The following TMEM120B variants were observed in gnomAD, a reference collection of about 807,000 sequenced individuals.
The protein encoded by TMEM120B is transmembrane protein 120B.
Under a neutral mutation model 55.5 loss-of-function variants are expected in TMEM120B, and 31 were observed. That is an observed-to-expected ratio of 0.56 (90% confidence interval 0.42 to 0.75). TMEM120B has a LOEUF of 0.75. Among genes scored for constraint, TMEM120B ranks in the 30% least tolerant of loss-of-function variants. The pLI is 0.00. For missense variants in TMEM120B, 399 were observed against 425.5 expected (o/e 0.94, Z 0.55); for synonymous variants, 203 against 176.3 (o/e 1.15, Z -1.20).
chr12:121,769,174 C>A (rs1257282286), intron 6 of TMEM120B, among the ~76,000 whole-genome samples: 15 of 145,696 alleles, frequency 1.0e-4, no homozygotes, highest in Admixed American at 4.1e-4. Context: ...AAAAAAAAAA[C>A]CCCAAAAAAC....
rs1010087801 is a variant in TMEM120B, at chr12:121,768,943, C to T, written c.552-1964C>T. ...GGTGGATCCCCTGAGGTCAGGAGTTCGAGACCAGCCTGGCCAACCTGTTGA... is the reference window on the plus strand; with the variant it reads ...GGTGGATCCCCTGAGGTCAGGAGTTTGAGACCAGCCTGGCCAACCTGTTGA... On this transcript the variant is annotated intron_variant, in intron 6 of 11. Transcript: ENST00000449592. 1.2e-4 allele frequency among the ~76,000 whole-genome samples: 19 copies of T among 152,084 alleles called. 1 individual carries two copies. The highest frequency in any genetic ancestry group is 5.8e-4 in the East Asian group (3 of 5,158).
At chr12:121,748,503 G>C in intron 3 of TMEM120B, 61 bp downstream of exon 3, 1 of 1,171,980 alleles carries the variant, frequency 8.5e-7, no homozygotes, top group Non-Finnish European at 1.2e-6. Flanking sequence ...AGCACAGCTG[G>C]TCCATATAAC....
At chr12:121,751,685 A>G (rs1592939063) in intron 4 of TMEM120B, among the ~76,000 whole-genome samples, 1 of 117,112 alleles carries the variant, frequency 8.5e-6, no homozygotes, top group African/African-American at 3.4e-5. Context: ...CCTCCAAGTC[A>G]GTATGTTGGG....
rs1158893128 is a variant in TMEM120B at position 121,735,201 on chromosome 12, C to CA, written c.70-8417dup. On this transcript the variant is annotated intron_variant, in intron 1 of 11. Coordinates refer to ENST00000449592, the MANE Select transcript of TMEM120B (RefSeq NM_001080825.2). ...ACTCTGTCTCAAAAAAAAAAAAAAA[C>CA]AAAAAAAAAAACCCAGAAACAAAAC... Among the ~76,000 whole-genome samples the CA allele has an allele frequency of 2.8e-3, 348 of 124,060 alleles. 1 individual carries two copies. The highest frequency in any genetic ancestry group is 9.5e-3 in the South Asian group (36 of 3,806). The allele number at this position is 124,060 out of a possible 152,430, so 81.4% of individuals were successfully genotyped here.
chr12:121,740,122 A>G (rs1013890921), intron 1 of TMEM120B, among the ~76,000 whole-genome samples: 9 of 152,132 alleles, frequency 5.9e-5, no homozygotes, highest in Non-Finnish European at 1.0e-4. Context: ...CCAGAGTCTC[A>G]CTGATAACAG....
intron 5 of TMEM120B, among the ~76,000 whole-genome samples, chr12:121,752,720 CCTGGGTGACAGAGTCTTG>C (rs1162296746): frequency 6.6e-6 from 1 of 152,010 alleles, no homozygotes; most frequent in Non-Finnish European, 1.5e-5. Context: ...TGCACTCCAG[CCTGGGTGACAGAGTCTTG>C]CTCTGTCACC....
At chr12:121,760,267 C>T (rs4597104) in intron 5 of TMEM120B, among the ~76,000 whole-genome samples, 9,572 of 151,844 alleles carry the variant, frequency 0.063, 445 homozygotes, top group African/African-American at 0.12. Context: ...TGCGCCACTG[C>T]ACTCCAGCCT....
chr12:121,748,414 A>G lies in TMEM120B; in HGVS notation c.277A>G (p.Met93Val), dbSNP rs1452104689. 16 of 1,610,106 alleles carry G rather than the reference A, an allele frequency of 9.9e-6. No homozygotes were observed. The African/African-American group carries it at 1.3e-4, about 13-fold the overall frequency. ...IKERQDVFFD[M>V]EAYLPKKNGL... ...GGAGCGGCAGGACGTCTTCTTCGAC[A>G]TGGAGGCCTACCTGCCCAAGAAGAA... Residue 93 changes from methionine (M) to valine (V), a missense_variant, in exon 3 of 12, where the codon ATG (methionine) becomes GTG (valine). This residue lies in a region of TMEM120B where 133 missense variants were observed against 104.1 expected (regional missense o/e 1.28). Coordinates refer to ENST00000449592, the MANE Select transcript of TMEM120B (RefSeq NM_001080825.2).
At position 121,727,750 on chromosome 12, in the gene TMEM120B, A is replaced by T. The variant is rs561080807; in HGVS notation, c.69+14786A>T. Among the ~76,000 whole-genome samples, 87 of 149,392 alleles carry T rather than the reference A, an allele frequency of 5.8e-4. 1 individual carries two copies. The highest frequency in any genetic ancestry group is 2.0e-3 in the African/African-American group (80 of 40,658). Reference sequence around the variant, plus strand: ...TTAGACAGGCGTGGTGGCAGGCGCCAGTAGTCCCAGCTACTCGGGAGGCTG... The same window carrying T: ...TTAGACAGGCGTGGTGGCAGGCGCCTGTAGTCCCAGCTACTCGGGAGGCTG... On this transcript the variant is annotated intron_variant, in intron 1 of 11. Transcript: ENST00000449592.
chr12:121,724,465 A>C (rs1894852909), intron 1 of TMEM120B, among the ~76,000 whole-genome samples: 1 of 151,946 alleles, frequency 6.6e-6, no homozygotes, highest in Non-Finnish European at 1.5e-5. Flanking sequence ...GCTGTGAGCC[A>C]CTGCACCTGG....
chr12:121,772,376 C>T (rs905294806), intron 8 of TMEM120B, among the ~76,000 whole-genome samples: 1 of 151,824 alleles, frequency 6.6e-6, no homozygotes, highest in African/African-American at 2.4e-5. Flanking sequence ...GTGGTCCACC[C>T]ACCTCTGCCA....
intron 3 of TMEM120B, 107 bp from the exon 4 acceptor site, chr12:121,750,273 T>G: frequency 4.6e-6 from 5 of 1,079,974 alleles, no homozygotes; most frequent in Non-Finnish European, 7.1e-6. Flanking sequence ...CCCCCTATCT[T>G]CTAACATCAG....
chr12:121,779,623 G>A lies in TMEM120B; in HGVS notation c.*3901G>A. On this transcript the variant is annotated 3_prime_UTR_variant, in exon 12 of 12. Coordinates refer to ENST00000449592, the MANE Select transcript of TMEM120B (RefSeq NM_001080825.2). ...TCCCGAAACTTGGCGGAACATTCCA[G>A]GTAGAGAGCAGCTCGGATCTGTTCG... 1 of 1,614,166 alleles carries A rather than the reference G, an allele frequency of 6.2e-7. No individual in the cohort carries two copies. The highest frequency in any genetic ancestry group is 1.6e-4 in the Middle Eastern group (1 of 6,062).
intron 2 of TMEM120B, among the ~76,000 whole-genome samples, chr12:121,747,162 C>G (rs1483329266): frequency 2.0e-5 from 3 of 152,008 alleles, no homozygotes; most frequent in Non-Finnish European, 4.4e-5. Context: ...GGTTTAAGGA[C>G]TTTCTGAAAG....
Position 121,743,665 on chromosome 12 carries a change from C to A in TMEM120B, c.106C>A (p.Leu36Met), listed in dbSNP as rs1184595871. ...GATCTACAAGCAGAAGCTGGAGGAG[C>A]TGGCTGCGCTGCAGACGCTGTGTAG... ...HRIYKQKLEE[L>M]AALQTLCSSS... Residue 36 changes from leucine to methionine, a missense_variant, in exon 2 of 12, where the codon CTG (leucine) becomes ATG (methionine). By Grantham distance (15) the Leu-to-Met change is conservative. Transcript: ENST00000449592. 3 of 1,613,684 alleles carry A rather than the reference C, an allele frequency of 1.9e-6. No individual in the cohort carries two copies. Among genetic ancestry groups the A allele is most frequent in the Non-Finnish European group, 2.5e-6 (3 of 1,179,972 alleles).
intron 9 of TMEM120B, 134 bp from the exon 10 acceptor site, chr12:121,774,508 AGCTATGACAGGTGAGG>A (rs572623166): frequency 1.5e-6 from 1 of 670,468 alleles, no homozygotes; most frequent in Non-Finnish European, 2.5e-6. Context: ...ATGCCCACCC[AGCTATGACAGGTGAGG>A]GCTGACCCCC....
chr12:121,780,955 C>A lies in TMEM120B; in HGVS notation c.*5233C>A. The A allele has an allele frequency of 6.2e-7, 1 of 1,614,088 alleles. No individual in the cohort carries two copies. The highest frequency in any genetic ancestry group is 8.5e-7 in the Non-Finnish European group (1 of 1,179,988). On this transcript the variant is annotated 3_prime_UTR_variant, in exon 12 of 12. Coordinates refer to ENST00000449592, the MANE Select transcript of TMEM120B (RefSeq NM_001080825.2). Reference sequence around the variant, plus strand: ...TCCTTCCTCAGGTCTGTCTTGCAGCCGATGAGCACCATGGGGATCCCGCGG... The same window carrying A: ...TCCTTCCTCAGGTCTGTCTTGCAGCAGATGAGCACCATGGGGATCCCGCGG...
At chr12:121,727,612 G>A (rs1252099777) in intron 1 of TMEM120B, among the ~76,000 whole-genome samples, 2 of 151,162 alleles carry the variant, frequency 1.3e-5, no homozygotes, top group Non-Finnish European at 2.9e-5. Flanking sequence ...GGTGGCTCAC[G>A]CTTGTAATCC....
Position 121,780,722 on chromosome 12 carries a change from G to T in TMEM120B, c.*5000G>T. On this transcript the variant is annotated 3_prime_UTR_variant, in exon 12 of 12. Coordinates refer to ENST00000449592, the MANE Select transcript of TMEM120B (RefSeq NM_001080825.2). ...GTCGTGTAAAGTGCTCAGGTCCACAGGCCATCAATACTAATAGTTAAAAAT... is the reference window on the plus strand; with the variant it reads ...GTCGTGTAAAGTGCTCAGGTCCACATGCCATCAATACTAATAGTTAAAAAT... The T allele has an allele frequency of 1.1e-6, 1 of 886,478 alleles. No individual in the cohort carries two copies. The highest frequency in any genetic ancestry group is 1.7e-6 in the Non-Finnish European group (1 of 596,466). 54.9% of individuals were successfully genotyped at this position (886,478 alleles called of 1,614,324 possible). A position where few individuals can be genotyped will look rare whatever the true frequency, so the allele number is the denominator to read the frequency against.
Sources: allele counts gnomAD v4.1 joint callset (sites outside exome capture counted in the v4.1 genomes callset), GRCh38; gene constraint gnomAD v4.1.1; regional missense constraint gnomAD v4.1.1; transcripts MANE v1.5; gene names NCBI Gene and HGNC (gene_info 2026-07-23, HGNC 2026-07-21).